The following SUCLG1 variants were observed in gnomAD, a reference collection of about 807,000 sequenced individuals.
The protein encoded by SUCLG1 is succinate--CoA ligase [ADP/GDP-forming] subunit alpha, mitochondrial.
In SUCLG1, 26 loss-of-function variants were observed where a neutral mutation model predicts 37.3. That is an observed-to-expected ratio of 0.70 (90% confidence interval 0.51 to 0.97). SUCLG1 has a LOEUF of 0.97. Among genes scored for constraint, SUCLG1 ranks in the 50% least tolerant of loss-of-function variants. The pLI is 0.00. For missense variants in SUCLG1, 433 were observed against 432.9 expected, an observed-to-expected ratio of 1.00 and a Z score of 0.00; for synonymous variants, 163 against 155.6, an observed-to-expected ratio of 1.05 and a Z score of -0.36.
chr2:84,455,668 T>C (rs1187235936), intron 1 of SUCLG1, among the ~76,000 whole-genome samples: 1 of 151,630 alleles, frequency 6.6e-6, no homozygotes, highest in Non-Finnish European at 1.5e-5. Flanking sequence ...ACCCCATCTC[T>C]ACTAAAAATA....
At chr2:84,427,655 A>C (rs375941818) in intron 7 of SUCLG1, among the ~76,000 whole-genome samples, 8 of 152,376 alleles carry the variant, frequency 5.3e-5, no homozygotes, top group African/African-American at 1.9e-4. Flanking sequence ...TATTAGCAAC[A>C]AATACTATCA....
intron 1 of SUCLG1, among the ~76,000 whole-genome samples, chr2:84,455,361 G>A (rs1362414300): frequency 1.3e-5 from 2 of 152,108 alleles, no homozygotes; most frequent in African/African-American, 4.8e-5. Context: ...GGACATGGTG[G>A]CACATGCCTG....
chr2:84,443,506 T>G, intron 2 of SUCLG1, 106 bp from the exon 3 acceptor site: 1 of 912,882 alleles, frequency 1.1e-6, no homozygotes, highest in Non-Finnish European at 1.8e-6. Flanking sequence ...ATAGGTTAAC[T>G]ATTCCCAGAC....
At chr2:84,439,241 C>T (rs372582763) in intron 5 of SUCLG1, among the ~76,000 whole-genome samples, 16 of 151,504 alleles carry the variant, frequency 1.1e-4, no homozygotes, top group Admixed American at 2.6e-4. Context: ...GTCTCCCAGA[C>T]GACTGTCTCA....
intron 2 of SUCLG1, 56 bp downstream of exon 2, chr2:84,449,593 G>A (rs894762501): frequency 1.7e-6 from 2 of 1,167,362 alleles, no homozygotes; most frequent in African/African-American, 3.2e-5. Context: ...TAAAAAAATA[G>A]TTAATTTGTT....
chr2:84,459,076 C>T, intron 1 of SUCLG1, 97 bp downstream of exon 1: 1 of 1,304,508 alleles, frequency 7.7e-7, no homozygotes, highest in Non-Finnish European at 1.0e-6. Flanking sequence ...CGCCGAGGTC[C>T]AGCCCTGAGG....
At chr2:84,423,938 A>G (rs1306902962) in intron 8 of SUCLG1, among the ~76,000 whole-genome samples, 166 bp from the exon 9 acceptor site, 2 of 152,234 alleles carry the variant, frequency 1.3e-5, no homozygotes, top group Admixed American at 1.3e-4. Context: ...TGAACACAGA[A>G]TAACAGCTTT....
chr2:84,449,037 T>G (rs1672893739), intron 2 of SUCLG1: 1 of 282,986 alleles, frequency 3.5e-6, no homozygotes, highest in African/African-American at 2.3e-5. Flanking sequence ...TATTTACACT[T>G]ACACAAAATC....
At chr2:84,429,050 C>T (rs77751346) in intron 7 of SUCLG1, among the ~76,000 whole-genome samples, 8,133 of 152,276 alleles carry the variant, frequency 0.053, 478 homozygotes, top group African/African-American at 0.14. Context: ...AAATAATTAT[C>T]ATCATTGTAA....
chr2:84,440,733 G>A (rs1226510177), intron 5 of SUCLG1, among the ~76,000 whole-genome samples: 1 of 152,176 alleles, frequency 6.6e-6, no homozygotes, highest in African/African-American at 2.4e-5. Flanking sequence ...CAATAACTAA[G>A]TTATAACAGT....
intron 5 of SUCLG1, among the ~76,000 whole-genome samples, chr2:84,438,340 CA>C (rs1264323677): frequency 1.3e-5 from 2 of 152,088 alleles, no homozygotes; most frequent in East Asian, 3.8e-4. Context: ...TTGAGAGTAA[CA>C]AACTGTCTAT....
intron 7 of SUCLG1, chr2:84,427,037 A>T (rs1410840261): frequency 6.5e-6 from 1 of 153,804 alleles, no homozygotes; most frequent in East Asian, 1.9e-4. Context: ...CACTTTAAAA[A>T]CCATTCTAGT....
In SUCLG1 at chr2:84,433,533, G is replaced by GTA. The variant is rs1191435140; in HGVS notation, c.590-100_590-99dup. The GTA allele has an allele frequency of 1.2e-5, 11 of 954,478 alleles. No individual in the cohort carries two copies. The Admixed American group carries it at 2.2e-4, about 19-fold the overall frequency. The allele number at this position is 954,478 out of a possible 1,614,324, so 59.1% of individuals were successfully genotyped here. A position where few individuals can be genotyped will look rare whatever the true frequency, so the allele number is the denominator to read the frequency against. Reference sequence around the variant, plus strand: ...CAAACACTTCGAGTGACTAACATAGGTATAAAATTCATTCCATGATTTGCC... The same window carrying GTA: ...CAAACACTTCGAGTGACTAACATAGGTATATAAAATTCATTCCATGATTTGCC... On this transcript the variant is annotated intron_variant, in intron 5 of 8. Transcript: ENST00000393868.
chr2:84,430,134 C>T (rs527867704), intron 7 of SUCLG1, among the ~76,000 whole-genome samples: 6 of 152,258 alleles, frequency 3.9e-5, no homozygotes, highest in South Asian at 2.1e-4. Context: ...GAGAGGATGA[C>T]GAATGAATCA....
At chr2:84,455,966 T>C (rs1425459326) in intron 1 of SUCLG1, among the ~76,000 whole-genome samples, 2 of 152,178 alleles carry the variant, frequency 1.3e-5, no homozygotes, top group African/African-American at 4.8e-5. Flanking sequence ...AAATTTGATG[T>C]CAGAAAATCA....
intron 1 of SUCLG1, 61 bp downstream of exon 1, chr2:84,459,112 G>A (rs1673102978): frequency 5.3e-6 from 8 of 1,496,548 alleles, no homozygotes; most frequent in Non-Finnish European, 6.3e-6. Flanking sequence ...GGGCCAGGAG[G>A]TTGGGTCCGG....
intron 1 of SUCLG1, among the ~76,000 whole-genome samples, chr2:84,458,834 T>G (rs1374975514): frequency 6.6e-6 from 1 of 152,080 alleles, no homozygotes; most frequent in East Asian, 1.9e-4. Flanking sequence ...CATCCCCAAC[T>G]CCAAATAAGG....
intron 1 of SUCLG1, among the ~76,000 whole-genome samples, chr2:84,451,122 C>T (rs763137211): frequency 1.3e-5 from 2 of 152,128 alleles, no homozygotes; most frequent in Non-Finnish European, 2.9e-5. Flanking sequence ...GTGCTGCATT[C>T]GAGACCCATT....
Position 84,441,238 on chromosome 2 carries a change from T to G in SUCLG1, c.531+9A>C. 4 of 1,614,220 alleles carry G rather than the reference T, an allele frequency of 2.5e-6. No individual in the cohort carries two copies. The highest frequency in any genetic ancestry group is 3.4e-6 in the Non-Finnish European group (4 of 1,180,036). On this transcript the variant is annotated intron_variant, in intron 4 of 8. Coordinates refer to ENST00000393868, the MANE Select transcript of SUCLG1 (RefSeq NM_003849.4). Reference sequence around the variant, plus strand: ...TAATCTGAGTTTCTTTTTGTTTTTTTGCACTCACATTGATGACTCCAGGGC... The same window carrying G: ...TAATCTGAGTTTCTTTTTGTTTTTTGGCACTCACATTGATGACTCCAGGGC...
Sources: allele counts gnomAD v4.1 joint callset (sites outside exome capture counted in the v4.1 genomes callset), GRCh38; gene constraint gnomAD v4.1.1; transcripts MANE v1.5; gene names NCBI Gene and HGNC (gene_info 2026-07-23, HGNC 2026-07-21).